The following UVSSA variants were observed in gnomAD, a reference collection of about 807,000 sequenced individuals.
UVSSA encodes UV stimulated scaffold protein A, also known as UV-stimulated scaffold protein A.
UVSSA carries 72 observed loss-of-function variants against 73.9 expected under a neutral mutation model. That is an observed-to-expected ratio of 0.97 (90% confidence interval 0.81 to 1.19). The LOEUF (loss-of-function observed/expected upper bound fraction) is 1.19, where lower values mean the gene tolerates loss of function less well. Among genes scored for constraint, UVSSA ranks in the 50% most tolerant of loss-of-function variants. UVSSA has a pLI of 0.00. For synonymous variants in UVSSA, 454 were observed against 391.3 expected (o/e 1.16, Z -1.89); for missense variants, 1,150 against 965.0 (o/e 1.19, Z -2.54).
At chr4:1,394,279 A>T in exon 14 of UVSSA, 1 of 799,030 alleles carries the variant, frequency 1.3e-6, no homozygotes, top group Non-Finnish European at 1.9e-6. Context: ...TTCATGAGTT[A>T]TGTAGTTGAA....
chr4:1,395,341 G>C (rs1437268707), exon 14 of UVSSA: 2 of 1,528,890 alleles, frequency 1.3e-6, no homozygotes, highest in Non-Finnish European at 1.7e-6. Flanking sequence ...TGCCGATGTG[G>C]GGTGCCCGCC....
At chr4:1,380,321 G>A in intron 11 of UVSSA, 91 bp downstream of exon 11, 1 of 1,451,918 alleles carries the variant, frequency 6.9e-7, no homozygotes, top group Non-Finnish European at 9.2e-7. Context: ...CCCTGCCCTG[G>A]GTCAGGGTGC....
chr4:1,380,855 C>T, intron 11 of UVSSA, 25 bp from the exon 12 acceptor site: 4 of 1,604,510 alleles, frequency 2.5e-6, no homozygotes, highest in Non-Finnish European at 3.4e-6. Context: ...TCCCCGCCAT[C>T]AGCCACCGTG....
intron 7 of UVSSA, among the ~76,000 whole-genome samples, chr4:1,365,115 A>G (rs780475215): frequency 2.1e-4 from 32 of 152,232 alleles, no homozygotes; most frequent in African/African-American, 4.3e-4. Context: ...CCGTGTGGCC[A>G]TGTTACTGAG....
At chr4:1,368,643 G>A (rs1233087983) in intron 8 of UVSSA, among the ~76,000 whole-genome samples, 1 of 152,258 alleles carries the variant, frequency 6.6e-6, no homozygotes. Context: ...CAGCCCTGCT[G>A]CAGGTACACC....
In UVSSA at chr4:1,353,209, GA is replaced by G. The variant is rs761196386; in HGVS notation, c.731del (p.Asp244AlafsTer71). The G allele has an allele frequency of 1.2e-6, 2 of 1,612,438 alleles. No individual in the cohort carries two copies. Among genetic ancestry groups the G allele is most frequent in the African/African-American group, 2.7e-5 (2 of 75,060 alleles). On this transcript the variant is annotated frameshift_variant, in exon 5 of 14. Transcript: ENST00000389851. LOFTEE classifies it high-confidence loss of function. The part of the protein sequence containing the change: ...QVGPCRSGTP[D>X]PRDGEQPCCS... The stretch of plus-strand genomic sequence containing the variant: ...GGGCCCCTGCCGGTCTGGCACCCCT[GA>G]CCCCCGGGACGGGGAGCAGCCCTGC...
intron 5 of UVSSA, 74 bp from the exon 6 acceptor site, chr4:1,354,661 A>ATGGTC: frequency 2.2e-6 from 3 of 1,387,552 alleles, no homozygotes; most frequent in Non-Finnish European, 3.0e-6. Flanking sequence ...CCTTCCTTGC[A>ATGGTC]TGGTCTGCCT....
At chr4:1,353,515 C>T in intron 5 of UVSSA, 102 bp downstream of exon 5, 1 of 1,402,132 alleles carries the variant, frequency 7.1e-7, no homozygotes. Context: ...GATGCAGGGG[C>T]CTCCCCTGGG....
intron 8 of UVSSA, among the ~76,000 whole-genome samples, chr4:1,373,018 C>A (rs994765326): frequency 6.6e-6 from 1 of 152,224 alleles, no homozygotes; most frequent in Non-Finnish European, 1.5e-5. Context: ...CCTCAAAAGG[C>A]CTTGTCTCCA....
chr4:1,375,535 G>A, intron 9 of UVSSA, 27 bp downstream of exon 9: 1 of 1,598,416 alleles, frequency 6.3e-7, no homozygotes. Context: ...TGTGTGCTGA[G>A]CCCCCTGCCC....
chr4:1,353,214 C>A lies in UVSSA; in HGVS notation c.735C>A (p.Pro245=). ...VGPCRSGTPD[P]RDGEQPCCSR... ...CCTGCCGGTCTGGCACCCCTGACCCCCGGGACGGGGAGCAGCCCTGCTGCA... is the reference window on the plus strand; with the variant it reads ...CCTGCCGGTCTGGCACCCCTGACCCACGGGACGGGGAGCAGCCCTGCTGCA... Residue 245 remains proline, a synonymous_variant, in exon 5 of 14, where the codon CCC becomes CCA. Transcript: ENST00000389851. 1 of 1,612,440 alleles carries A rather than the reference C, an allele frequency of 6.2e-7. No homozygotes were observed. Among genetic ancestry groups the A allele is most frequent in the Non-Finnish European group, 8.5e-7 (1 of 1,179,848 alleles).
chr4:1,378,738 C>T (rs538144470), intron 10 of UVSSA, among the ~76,000 whole-genome samples: 1 of 152,310 alleles, frequency 6.6e-6, no homozygotes, highest in Admixed American at 6.5e-5. Flanking sequence ...GCTTCTCCCA[C>T]GGGGCCTTGG....
intron 8 of UVSSA, among the ~76,000 whole-genome samples, chr4:1,369,661 A>T (rs1270036637): frequency 1.3e-5 from 2 of 152,232 alleles, no homozygotes; most frequent in African/African-American, 2.4e-5. Context: ...TGAACTAGGT[A>T]AAATCAATAA....
intron 7 of UVSSA, among the ~76,000 whole-genome samples, chr4:1,356,347 C>T (rs559130350): frequency 1.3e-5 from 2 of 152,136 alleles, no homozygotes; most frequent in African/African-American, 4.8e-5. Flanking sequence ...TCAGTGGCCC[C>T]GCGTCCCCAA....
chr4:1,384,497 G>A (rs1037215843), intron 13 of UVSSA: 17 of 153,218 alleles, frequency 1.1e-4, no homozygotes, highest in Non-Finnish European at 2.2e-4. Flanking sequence ...GCCAGAGTGC[G>A]AAGCCCACCA....
intron 10 of UVSSA, among the ~76,000 whole-genome samples, chr4:1,378,931 C>T (rs1719099087): frequency 6.6e-6 from 1 of 152,254 alleles, no homozygotes; most frequent in Non-Finnish European, 1.5e-5. Context: ...CACCCACTGC[C>T]TTATCCCAAA....
chr4:1,374,616 C>T (rs1373890293), intron 8 of UVSSA, among the ~76,000 whole-genome samples: 5 of 152,184 alleles, frequency 3.3e-5, no homozygotes, highest in African/African-American at 9.7e-5. Context: ...TTGCTGGCGG[C>T]GGGGCGGACC....
chr4:1,389,160 T>C (rs758265580), downstream of UVSSA: 1 of 152,184 alleles, frequency 6.6e-6, no homozygotes, highest in African/African-American at 2.4e-5. Context: ...CTAGGTTCTT[T>C]GTTGCAATCT....
chr4:1,372,809 CG>C (rs879428821), intron 8 of UVSSA, among the ~76,000 whole-genome samples: 9,982 of 95,860 alleles, frequency 0.1, 2,520 homozygotes, highest in East Asian at 0.3. Context: ...TCACCTCCCG[CG>C]TCTCAGGGCA....
Sources: allele counts gnomAD v4.1 joint callset (sites outside exome capture counted in the v4.1 genomes callset), GRCh38; gene constraint gnomAD v4.1.1; transcripts MANE v1.5; gene names NCBI Gene and HGNC (gene_info 2026-07-23, HGNC 2026-07-21).